SHISA6: variants seen among roughly 807,000 people sequenced by gnomAD.
SHISA6 encodes the protein protein shisa-6.
SHISA6 carries 22 observed loss-of-function variants against 47.9 expected under a neutral mutation model. The ratio of observed to expected loss-of-function variants is 0.46; its 90% CI spans 0.33 to 0.66. The LOEUF (loss-of-function observed/expected upper bound fraction) is 0.66, where lower values mean the gene tolerates loss of function less well. Among genes scored for constraint, SHISA6 ranks in the 30% least tolerant of loss-of-function variants. SHISA6 has a pLI of 0.02. For synonymous variants in SHISA6, 388 were observed against 337.8 expected (o/e 1.15, Z -1.63); for missense variants, 680 against 764.6 (o/e 0.89, Z 1.30).
At chr17:11,336,337 G>A (rs1911319952) in intron 2 of SHISA6, among the ~76,000 whole-genome samples, 1 of 152,096 alleles carries the variant, frequency 6.6e-6, no homozygotes, top group South Asian at 2.1e-4. Context: ...GTGGGTATGG[G>A]GTAAAGGAGG....
At chr17:11,472,106 C>T (rs972513023) in intron 3 of SHISA6, among the ~76,000 whole-genome samples, 1 of 152,060 alleles carries the variant, frequency 6.6e-6, no homozygotes, top group African/African-American at 2.4e-5. Flanking sequence ...CCCCCGTTTT[C>T]CCCTGGCAAC....
At chr17:11,314,975 A>G (rs1034417408) in intron 2 of SHISA6, among the ~76,000 whole-genome samples, 3 of 152,218 alleles carry the variant, frequency 2.0e-5, no homozygotes, top group African/African-American at 7.2e-5. Flanking sequence ...TTCTAGAATC[A>G]GTTTGTTCAA....
chr17:11,558,058 G>A lies in SHISA6; in HGVS notation c.1410G>A (p.Ser470=), dbSNP rs371848901. Residue 470 remains serine (S), a synonymous_variant, in exon 6 of 6, where the codon TCG becomes TCA. Coordinates refer to ENST00000441885, the MANE Select transcript of SHISA6 (RefSeq NM_207386.4). ...SPERTAFPEQ[S]LSRAISHTDV... is the part of the protein sequence containing the mutation. Reference sequence around the variant, plus strand: ...AGCGGACGGCCTTTCCCGAGCAGTCGCTGTCCAGGGCCATCTCGCACACGG... The same window carrying A: ...AGCGGACGGCCTTTCCCGAGCAGTCACTGTCCAGGGCCATCTCGCACACGG... 9.7e-6 allele frequency: 15 copies of A among 1,551,598 alleles called. No individual in the cohort carries two copies. The East Asian group carries it at 9.8e-5, about 10-fold the overall frequency.
At chr17:11,450,335 C>T (rs1299084291) in intron 3 of SHISA6, among the ~76,000 whole-genome samples, 1 of 152,060 alleles carries the variant, frequency 6.6e-6, no homozygotes, top group African/African-American at 2.4e-5. Flanking sequence ...AACATATCTT[C>T]TTGGAGGCAG....
chr17:11,355,126 A>G (rs939624727), intron 2 of SHISA6, among the ~76,000 whole-genome samples: 2 of 152,216 alleles, frequency 1.3e-5, no homozygotes, highest in African/African-American at 4.8e-5. Flanking sequence ...AGAGAGGCCA[A>G]CTGAGAGCAC....
intron 1 of SHISA6, among the ~76,000 whole-genome samples, chr17:11,260,884 T>C (rs1255636608): frequency 6.6e-6 from 1 of 152,122 alleles, no homozygotes; most frequent in Non-Finnish European, 1.5e-5. Context: ...CCTGTTGTTC[T>C]CTCAGATGCT....
chr17:11,483,045 T>C (rs780227029), intron 3 of SHISA6, among the ~76,000 whole-genome samples: 13 of 152,088 alleles, frequency 8.5e-5, no homozygotes, highest in Non-Finnish European at 1.5e-4. Context: ...TTCATGCCTG[T>C]AATTCTAGCA....
intron 2 of SHISA6, among the ~76,000 whole-genome samples, chr17:11,365,133 AAATACTT>A (rs1321420315): frequency 6.6e-6 from 1 of 152,196 alleles, no homozygotes; most frequent in South Asian, 2.1e-4. Context: ...TCTCGCTCAT[AAATACTT>A]AGTATTAAAT....
intron 3 of SHISA6, among the ~76,000 whole-genome samples, chr17:11,446,336 C>A (rs1384833050): frequency 6.6e-6 from 1 of 152,242 alleles, no homozygotes; most frequent in African/African-American, 2.4e-5. Flanking sequence ...ACACACACAC[C>A]ACACACACTA....
intron 2 of SHISA6, among the ~76,000 whole-genome samples, chr17:11,346,903 T>C (rs1567580120): frequency 1.3e-5 from 2 of 152,220 alleles, no homozygotes; most frequent in African/African-American, 2.4e-5. Flanking sequence ...GATATTCTCC[T>C]GAATACTTAC....
intron 2 of SHISA6, among the ~76,000 whole-genome samples, chr17:11,353,059 A>G (rs1488510959): frequency 6.6e-6 from 1 of 151,928 alleles, no homozygotes; most frequent in Non-Finnish European, 1.5e-5. Context: ...CCCAACCTCC[A>G]TTTTACCACT....
At chr17:11,421,458 G>T (rs1335064005) in intron 3 of SHISA6, among the ~76,000 whole-genome samples, 1 of 152,170 alleles carries the variant, frequency 6.6e-6, no homozygotes, top group Non-Finnish European at 1.5e-5. Flanking sequence ...AGGGCTTACA[G>T]CTCATACCAT....
At chr17:11,464,167 T>C (rs1915756272) in intron 3 of SHISA6, among the ~76,000 whole-genome samples, 1 of 152,166 alleles carries the variant, frequency 6.6e-6, no homozygotes, top group South Asian at 2.1e-4. Flanking sequence ...TCCTCCTGCC[T>C]CGGCCTCCCA....
intron 1 of SHISA6, among the ~76,000 whole-genome samples, chr17:11,261,020 G>A (rs541879467): frequency 1.3e-5 from 2 of 152,050 alleles, no homozygotes; most frequent in Admixed American, 6.5e-5. Flanking sequence ...AGTTAATTAG[G>A]TGAGACCAGA....
chr17:11,411,163 T>G (rs979199712), intron 3 of SHISA6, among the ~76,000 whole-genome samples: 1 of 151,792 alleles, frequency 6.6e-6, no homozygotes, highest in South Asian at 2.1e-4. Context: ...AGAGACAGGG[T>G]TTCACCCTGT....
chr17:11,468,902 T>G (rs1915870531), intron 3 of SHISA6, among the ~76,000 whole-genome samples: 1 of 149,454 alleles, frequency 6.7e-6, no homozygotes, highest in Admixed American at 6.8e-5. Context: ...GAGCCTGTAA[T>G]CCCAGCTACT....
At chr17:11,392,780 T>A (rs929276968) in intron 3 of SHISA6, among the ~76,000 whole-genome samples, 1 of 152,224 alleles carries the variant, frequency 6.6e-6, no homozygotes, top group Admixed American at 6.5e-5. Flanking sequence ...GCTTATGCAA[T>A]GAAGACATTG....
intron 2 of SHISA6, among the ~76,000 whole-genome samples, chr17:11,352,411 C>T (rs983952779): frequency 1.3e-5 from 2 of 152,164 alleles, no homozygotes; most frequent in African/African-American, 4.8e-5. Flanking sequence ...ATTAGGCAGT[C>T]ACTAGTGCTT....
At chr17:11,493,468 C>T (rs1440128393) in intron 3 of SHISA6, among the ~76,000 whole-genome samples, 2 of 152,184 alleles carry the variant, frequency 1.3e-5, no homozygotes, top group Non-Finnish European at 2.9e-5. Context: ...GTCAAGTAAT[C>T]CGCCCACCTC....
Sources: gnomAD v4.1 joint callset for allele counts (sites outside exome capture counted in the v4.1 genomes callset) on GRCh38, gnomAD v4.1.1 for gene constraint, MANE v1.5 for transcripts, NCBI Gene and HGNC (gene_info 2026-07-23, HGNC 2026-07-21) for gene names.